Variants in WDR93 observed in about 807,000 individuals in gnomAD.
WDR93 encodes WD repeat-containing protein 93.
A neutral mutation model predicts 82.9 loss-of-function variants in WDR93; 73 were observed. The ratio of observed to expected loss-of-function variants is 0.88; its 90% CI spans 0.73 to 1.07. The LOEUF (loss-of-function observed/expected upper bound fraction) is 1.07. Among genes scored for constraint, WDR93 ranks in the 50% least tolerant of loss-of-function variants. WDR93 has a pLI of 0.00. For missense variants in WDR93, 738 were observed against 826.0 expected (o/e 0.89, Z 1.31); for synonymous variants, 283 against 300.1 (o/e 0.94, Z 0.59).
chr15:89,713,757 G>C (rs1966110891), intron 5 of WDR93, among the ~76,000 whole-genome samples: 1 of 152,178 alleles, frequency 6.6e-6, no homozygotes, highest in African/African-American at 2.4e-5. Flanking sequence ...ACAGGCATGA[G>C]CCACCACGCC....
intron 3 of WDR93, chr15:89,703,387 A>G: frequency 5.6e-6 from 3 of 539,634 alleles, no homozygotes; most frequent in Non-Finnish European, 6.6e-6. Flanking sequence ...TCCTGTTCAG[A>G]AGAGGCAACT....
intron 14 of WDR93, among the ~76,000 whole-genome samples, chr15:89,736,281 A>G (rs1390051672): frequency 6.6e-6 from 1 of 152,162 alleles, no homozygotes; most frequent in Admixed American, 6.5e-5. Context: ...CAGTCCTTAC[A>G]GGGCCCACTT....
intron 4 of WDR93, among the ~76,000 whole-genome samples, chr15:89,711,282 T>C (rs1160949683): frequency 1.3e-5 from 2 of 152,058 alleles, no homozygotes; most frequent in African/African-American, 2.4e-5. Context: ...AAAAATTCCA[T>C]AGGACAAATG....
intron 12 of WDR93, among the ~76,000 whole-genome samples, chr15:89,732,615 CCACACACACACA>C (rs58806438): frequency 1.3e-5 from 2 of 148,462 alleles, no homozygotes; most frequent in Non-Finnish European, 3.0e-5. Flanking sequence ...TGTTGTTTGG[CCACACACACACA>C]CACACACACA....
Position 89,716,921 on chromosome 15 carries a change from G to A in WDR93, c.767G>A (p.Gly256Asp). 1 of 1,566,436 alleles carries A rather than the reference G, an allele frequency of 6.4e-7. No individual in the cohort carries two copies. The highest frequency in any genetic ancestry group is 1.2e-5 in the South Asian group (1 of 81,578). Residue 256 changes from glycine (G) to aspartate (D), a missense_variant, in exon 7 of 17, where the codon GGT (glycine) becomes GAT (aspartate). Gly to Asp is a moderately conservative substitution (Grantham distance 94). Coordinates refer to ENST00000268130, the MANE Select transcript of WDR93 (RefSeq NM_020212.2). ...KVRQPQLNSL[G>D]PISADPLEMD... ...CATTTTTCTTCTCAGAACTCCCTTG[G>A]TCCCATTTCTGCAGATCCTTTAGAA...
At chr15:89,694,632 A>ATCTGAGGAT (rs938961409) in intron 1 of WDR93, among the ~76,000 whole-genome samples, 1 of 152,160 alleles carries the variant, frequency 6.6e-6, no homozygotes. Context: ...TTTTCTCCCC[A>ATCTGAGGAT]TCTGAGGATT....
In WDR93 at chr15:89,716,919, T is replaced by C. The variant is rs1287446086; in HGVS notation, c.765T>C (p.Leu255=). The change falls in exon 7 of 17, where the codon CTT becomes CTC. Residue 255 remains leucine (L), a synonymous_variant. Coordinates refer to ENST00000268130, the MANE Select transcript of WDR93 (RefSeq NM_020212.2). Reference sequence around the variant, plus strand: ...CTCATTTTTCTTCTCAGAACTCCCTTGGTCCCATTTCTGCAGATCCTTTAG... The same window carrying C: ...CTCATTTTTCTTCTCAGAACTCCCTCGGTCCCATTTCTGCAGATCCTTTAG... ...KKVRQPQLNS[L]GPISADPLEM... The C allele has an allele frequency of 6.4e-7, 1 of 1,568,150 alleles. No homozygotes were observed.
At chr15:89,707,762 C>A (rs1438723126) in intron 4 of WDR93, among the ~76,000 whole-genome samples, 1 of 152,170 alleles carries the variant, frequency 6.6e-6, no homozygotes, top group African/African-American at 2.4e-5. Flanking sequence ...CATGTACTTA[C>A]CATGTGATCC....
intron 16 of WDR93, among the ~76,000 whole-genome samples, chr15:89,740,513 G>T (rs112238577): frequency 0.055 from 8,438 of 152,042 alleles, 847 homozygotes; most frequent in African/African-American, 0.19. Context: ...TTTTGTTTTT[G>T]TTTTTGAAAC....
At chr15:89,698,101 G>A (rs943167028) in intron 1 of WDR93, among the ~76,000 whole-genome samples, 4 of 151,720 alleles carry the variant, frequency 2.6e-5, no homozygotes, top group Admixed American at 6.6e-5. Context: ...AGCCAGGATG[G>A]TCTCGATCTT....
intron 1 of WDR93, among the ~76,000 whole-genome samples, chr15:89,696,989 G>A (rs1443859533): frequency 7.3e-6 from 1 of 137,346 alleles, no homozygotes; most frequent in Non-Finnish European, 1.6e-5. Context: ...GTTTTTTAGA[G>A]ACAAAGTCTC....
chr15:89,722,546 C>G (rs1381105785), intron 8 of WDR93, among the ~76,000 whole-genome samples: 1 of 152,208 alleles, frequency 6.6e-6, no homozygotes. Context: ...CACCTCTCCT[C>G]TCCTGCACTC....
chr15:89,709,033 C>T (rs776530008), intron 4 of WDR93, among the ~76,000 whole-genome samples: 8 of 152,318 alleles, frequency 5.3e-5, no homozygotes, highest in Non-Finnish European at 7.3e-5. Context: ...TGCAGCCGTC[C>T]GGTGCAGGGA....
At chr15:89,700,996 ACAC>A (rs1965434770) in intron 1 of WDR93, among the ~76,000 whole-genome samples, 1 of 152,168 alleles carries the variant, frequency 6.6e-6, no homozygotes, top group African/African-American at 2.4e-5. Flanking sequence ...ACACACACAC[ACAC>A]ACACACAGAG....
At position 89,729,706 on chromosome 15, in the gene WDR93, C is replaced by T; in HGVS notation, c.1147C>T (p.His383Tyr). 1 of 1,613,182 alleles carries T rather than the reference C, an allele frequency of 6.2e-7. No individual in the cohort carries two copies. Residue 383 changes from histidine (H) to tyrosine (Y), a missense_variant, in exon 11 of 17, where the codon CAC becomes TAC. Coordinates refer to ENST00000268130, the MANE Select transcript of WDR93 (RefSeq NM_020212.2). ...PSGMACVLGI[H>Y]WTRSHNFFLY... is the part of the protein sequence containing the mutation. ...AGGAATGGCCTGTGTCCTTGGTATA[C>T]ACTGGACCAGAAGTCACAATTTCTT...
At chr15:89,700,339 A>C (rs541936882) in intron 1 of WDR93, among the ~76,000 whole-genome samples, 2 of 152,110 alleles carry the variant, frequency 1.3e-5, no homozygotes, top group Non-Finnish European at 2.9e-5. Flanking sequence ...CCTCATACTC[A>C]CACATTGAAA....
intron 3 of WDR93, chr15:89,705,291 C>T (rs961371932): frequency 1.5e-5 from 7 of 471,742 alleles, no homozygotes; most frequent in African/African-American, 1.4e-4. Flanking sequence ...GGATGTAGCC[C>T]ATGTCTTACA....
chr15:89,718,483 C>T (rs1428266051), intron 7 of WDR93, among the ~76,000 whole-genome samples: 1 of 151,360 alleles, frequency 6.6e-6, no homozygotes, highest in Non-Finnish European at 1.5e-5. Context: ...AAAAAATTAG[C>T]CAGGTGTAGT....
chr15:89,739,848 G>A (rs527684529), intron 16 of WDR93, among the ~76,000 whole-genome samples: 2 of 152,164 alleles, frequency 1.3e-5, no homozygotes, highest in East Asian at 3.9e-4. Flanking sequence ...TCTTTACTCA[G>A]GGAAGAGTCA....
Sources: allele counts gnomAD v4.1 joint callset (sites outside exome capture counted in the v4.1 genomes callset), GRCh38; gene constraint gnomAD v4.1.1; transcripts MANE v1.5; gene names NCBI Gene and HGNC (gene_info 2026-07-23, HGNC 2026-07-21).